SCN7A: variants seen among roughly 807,000 people sequenced by gnomAD.
SCN7A encodes sodium voltage-gated channel alpha subunit 7, also known as sodium channel protein type 7 subunit alpha.
Under a neutral mutation model 155.2 loss-of-function variants are expected in SCN7A, and 138 were observed. The ratio of observed to expected loss-of-function variants is 0.89; its 90% CI spans 0.77 to 1.02. SCN7A has a LOEUF of 1.02. Ranked by LOEUF, SCN7A falls within the 50% of genes least tolerant of loss-of-function variation. The pLI is 0.00. For missense variants in SCN7A, 2,058 were observed against 1,986.6 expected (o/e 1.04, Z -0.68); for synonymous variants, 693 against 649.0 (o/e 1.07, Z -1.03).
At chr2:166,420,124 T>C (rs1701480396) in intron 20 of SCN7A, among the ~76,000 whole-genome samples, 1 of 152,000 alleles carries the variant, frequency 6.6e-6, no homozygotes, top group Non-Finnish European at 1.5e-5. Context: ...CTGAAATTAT[T>C]TTTTTAAATA....
chr2:166,486,821 GAT>G (rs778943664), intron 2 of SCN7A, 33 bp downstream of exon 2: 1 of 152,200 alleles, frequency 6.6e-6, no homozygotes, highest in Non-Finnish European at 1.5e-5. Context: ...GAGTATGAGA[GAT>G]AGAGCATATA....
chr2:166,491,507 G>T (rs950727254), intron 1 of SCN7A, among the ~76,000 whole-genome samples: 1 of 152,136 alleles, frequency 6.6e-6, no homozygotes, highest in Non-Finnish European at 1.5e-5. Flanking sequence ...AATAATCTTA[G>T]CTGGGTCAAG....
intron 15 of SCN7A, among the ~76,000 whole-genome samples, chr2:166,438,631 A>G (rs1701887912): frequency 6.6e-6 from 1 of 152,192 alleles, no homozygotes; most frequent in Non-Finnish European, 1.5e-5. Flanking sequence ...TTAATTTTTT[A>G]AAATGTGAAA....
chr2:166,416,444 G>A (rs1050537571), intron 21 of SCN7A, among the ~76,000 whole-genome samples: 26 of 152,184 alleles, frequency 1.7e-4, no homozygotes, highest in African/African-American at 5.5e-4. Flanking sequence ...TGTCACCCCC[G>A]GCGGCCCAGC....
chr2:166,460,900 T>C (rs1303980635), intron 10 of SCN7A, among the ~76,000 whole-genome samples: 1 of 152,058 alleles, frequency 6.6e-6, no homozygotes, highest in Non-Finnish European at 1.5e-5. Context: ...AAGGGTAATG[T>C]GATAAGATTA....
At position 166,406,464 on chromosome 2, in the gene SCN7A, G is replaced by A. The variant is rs751276880; in HGVS notation, c.4165C>T (p.Leu1389=). Residue 1389 remains leucine, a synonymous_variant, in exon 26 of 26, where the codon CTG becomes TTG. Coordinates refer to ENST00000643258, the MANE Select transcript of SCN7A (RefSeq NM_002976.4). ...ALLNIILLIF[L]VMFIYAVFGM... is the part of the protein sequence containing the mutation. ...AATACGGCATAGATGAACATGACCAGGAAGATGAGAAGAATGATGTTCAAT... is the reference window on the plus strand; with the variant it reads ...AATACGGCATAGATGAACATGACCAAGAAGATGAGAAGAATGATGTTCAAT... 1 of 1,612,694 alleles carries A rather than the reference G, an allele frequency of 6.2e-7. No individual in the cohort carries two copies. The highest frequency in any genetic ancestry group is 1.1e-5 in the South Asian group (1 of 91,050).
At chr2:166,423,469 C>G in intron 18 of SCN7A, 37 bp from the exon 19 acceptor site, 2 of 1,466,060 alleles carry the variant, frequency 1.4e-6, no homozygotes, top group Non-Finnish European at 1.8e-6. Flanking sequence ...ATTAGGTGTA[C>G]AGGTAATTTC....
rs1355554682 is a variant in SCN7A at position 166,441,385 on chromosome 2, T to C, written c.2157+11A>G. 5 of 1,541,684 alleles carry C rather than the reference T, an allele frequency of 3.2e-6. No individual in the cohort carries two copies. In the African/African-American group the frequency reaches 5.5e-5, roughly 17 times the overall value. On this transcript the variant is annotated intron_variant, in intron 15 of 25. Coordinates refer to ENST00000643258, the MANE Select transcript of SCN7A (RefSeq NM_002976.4). ...GTTTTCATGGAAAATGTAAAAGAAT[T>C]GACTACTTACCAGTAAATTTCCAAT...
At chr2:166,417,163 A>G (rs1161986737) in intron 20 of SCN7A, among the ~76,000 whole-genome samples, 178 bp from the exon 21 acceptor site, 2 of 152,198 alleles carry the variant, frequency 1.3e-5, no homozygotes, top group African/African-American at 4.8e-5. Flanking sequence ...TAGCAATTCA[A>G]TTTTTATTTA....
rs946143171 is a variant in SCN7A, at chr2:166,404,332, A to G, written c.*1248T>C. 2 of 151,958 alleles carry G rather than the reference A, an allele frequency of 1.3e-5. No individual in the cohort carries two copies. Among genetic ancestry groups the G allele is most frequent in the African/African-American group, 4.8e-5 (2 of 41,422 alleles). The allele number at this position is 151,958 out of a possible 1,614,324, so 9.4% of individuals were successfully genotyped here. A position where few individuals can be genotyped will look rare whatever the true frequency, so the allele number is the denominator to read the frequency against. On this transcript the variant is annotated 3_prime_UTR_variant, in exon 26 of 26. Transcript: ENST00000643258. ...AAAAACAATTTCAATAGTGAAAACT[A>G]ATGTTTAGGATTTTACAGTTCTTTG...
At position 166,405,609 on chromosome 2, in the gene SCN7A, C is replaced by T; in HGVS notation, c.5020G>A (p.Glu1674Lys). 2.5e-6 allele frequency: 4 copies of T among 1,598,728 alleles called. No homozygotes were observed. The highest frequency in any genetic ancestry group is 3.4e-6 in the Non-Finnish European group (4 of 1,172,954). ...ATCTGGCTTTGAATAGGTGACTTTT[C>T]CTTAGCTTTGTCAAAATAGGCACCT... ...KEGAYFDKAK[E>K]KSPIQSQI Residue 1674 changes from glutamate to lysine, a missense_variant, in exon 26 of 26, where the codon GAA becomes AAA. Physicochemically the swap from Glu to Lys is moderately conservative, Grantham distance 56 (BLOSUM62 1). Coordinates refer to ENST00000643258, the MANE Select transcript of SCN7A (RefSeq NM_002976.4).
intron 7 of SCN7A, among the ~76,000 whole-genome samples, chr2:166,466,608 A>G (rs1252288293): frequency 2.0e-4 from 30 of 152,054 alleles, no homozygotes; most frequent in Admixed American, 1.9e-3. Flanking sequence ...CAAAAATAAC[A>G]TAATCATATC....
chr2:166,433,347 G>A (rs1243307585), intron 15 of SCN7A, among the ~76,000 whole-genome samples: 1 of 151,920 alleles, frequency 6.6e-6, no homozygotes, highest in African/African-American at 2.4e-5. Context: ...AAATAAATTT[G>A]ACTAAAAAAG....
chr2:166,448,122 C>G (rs181939117), intron 11 of SCN7A, among the ~76,000 whole-genome samples: 58 of 151,998 alleles, frequency 3.8e-4, no homozygotes, highest in Non-Finnish European at 1.5e-4. Context: ...TCATACATAC[C>G]CTTTGCAGGC....
At chr2:166,427,692 C>A (rs1701653054) in intron 18 of SCN7A, 96 bp downstream of exon 18, 8 of 1,122,568 alleles carry the variant, frequency 7.1e-6, no homozygotes, top group Non-Finnish European at 9.9e-6. Context: ...ACTAAATATC[C>A]TTGGAAATGT....
chr2:166,426,553 T>C (rs1701629653), intron 18 of SCN7A, among the ~76,000 whole-genome samples: 1 of 152,110 alleles, frequency 6.6e-6, no homozygotes, highest in Admixed American at 6.6e-5. Flanking sequence ...GCAAGGATAA[T>C]TGACTCTGAT....
At chr2:166,451,487 A>G (rs529330108) in intron 11 of SCN7A, among the ~76,000 whole-genome samples, 55 of 152,304 alleles carry the variant, frequency 3.6e-4, no homozygotes, top group Admixed American at 2.5e-3. Flanking sequence ...AAAGGGGGCT[A>G]GGATTCTTTT....
intron 10 of SCN7A, among the ~76,000 whole-genome samples, chr2:166,460,004 C>A (rs983114566): frequency 5.3e-5 from 8 of 152,128 alleles, no homozygotes; most frequent in African/African-American, 1.9e-4. Flanking sequence ...GGAGGGATAG[C>A]ATTAGGAGAA....
At position 166,473,678 on chromosome 2, in the gene SCN7A, T is replaced by C. The variant is rs532259084; in HGVS notation, c.443+121A>G. 7.1e-5 allele frequency: 18 copies of C among 253,364 alleles called. No individual in the cohort carries two copies. The East Asian group carries it at 1.5e-3, about 21-fold the overall frequency. The allele number at this position is 253,364 out of a possible 1,614,324, so 15.7% of individuals were successfully genotyped here. ...ATATTATCTTAATCATTAACAAATA[T>C]TAAATTTATTATAATATAAAATATA... is the stretch of plus-strand genomic sequence containing the variant. On this transcript the variant is annotated intron_variant, in intron 5 of 25. Coordinates refer to ENST00000643258, the MANE Select transcript of SCN7A (RefSeq NM_002976.4).
Sources: gnomAD v4.1 joint callset for allele counts (sites outside exome capture counted in the v4.1 genomes callset) on GRCh38, gnomAD v4.1.1 for gene constraint, MANE v1.5 for transcripts, NCBI Gene and HGNC (gene_info 2026-07-23, HGNC 2026-07-21) for gene names.